LHFPL5: variants seen among roughly 807,000 people sequenced by gnomAD.
The protein encoded by LHFPL5 is LHFPL tetraspan subfamily member 5 protein.
A neutral mutation model predicts 18.7 loss-of-function variants in LHFPL5; 12 were observed. The ratio of observed to expected loss-of-function variants is 0.64; its 90% confidence interval spans 0.41 to 1.04. The LOEUF (loss-of-function observed/expected upper bound fraction) is 1.04. Ranked by LOEUF, LHFPL5 falls within the 50% of genes least tolerant of loss-of-function variation. The pLI is 0.00. For synonymous variants in LHFPL5, 111 were observed against 120.2 expected, an observed-to-expected ratio of 0.92 and a Z score of 0.50; for missense variants, 259 against 292.1, an observed-to-expected ratio of 0.89 and a Z score of 0.83.
chr6:35,810,654 A>G (rs1242217070), intron 1 of LHFPL5, among the ~76,000 whole-genome samples: 2 of 152,006 alleles, frequency 1.3e-5, no homozygotes, highest in Non-Finnish European at 2.9e-5. Flanking sequence ...CCCAAAAAAT[A>G]CAAAAAAATA....
rs1554147837 is a variant in LHFPL5 at position 35,823,414 on chromosome 6, C to CACAT, written c.*452_*453insTACA. The CACAT allele has an allele frequency of 1.2e-3, 148 of 124,226 alleles. 1 individual carries two copies. The highest frequency in any genetic ancestry group is 4.7e-3 in the African/African-American group (146 of 31,184). 7.7% of individuals were successfully genotyped at this position (124,226 alleles called of 1,614,324 possible). On this transcript the variant is annotated 3_prime_UTR_variant, in exon 4 of 4. Transcript: ENST00000360215. ...ACACACACACACACACACACACACA[C>CACAT]ACACACACACATACATACACACACA...
At position 35,814,765 on chromosome 6, in the gene LHFPL5, A is replaced by G; in HGVS notation, c.632A>G (p.Tyr211Cys). 1 of 1,614,042 alleles carries G rather than the reference A, an allele frequency of 6.2e-7. No homozygotes were observed. The highest frequency in any genetic ancestry group is 8.5e-7 in the Non-Finnish European group (1 of 1,179,960). ...YRQDKLLPDD[Y>C]KADGTEEV ...CAGGACAAGCTCCTCCCTGACGACT[A>G]CAAGGCAGATGGAACCGGTAATCAC... is the stretch of plus-strand genomic sequence containing the variant. The change falls in exon 2 of 4, where the codon TAC (tyrosine) becomes TGC (cysteine). Residue 211 changes from tyrosine (Y) to cysteine (C), a missense_variant. Tyr to Cys is a radical substitution (Grantham distance 194). Coordinates refer to ENST00000360215, the MANE Select transcript of LHFPL5 (RefSeq NM_182548.4). The surrounding 1 kb of genome is among the most constrained non-coding windows in gnomAD (Gnocchi z 4.2).
At chr6:35,817,714 T>C (rs1768789510) in intron 2 of LHFPL5, among the ~76,000 whole-genome samples, 1 of 152,172 alleles carries the variant, frequency 6.6e-6, no homozygotes, top group Non-Finnish European at 1.5e-5. Context: ...ATAACAAGTG[T>C]TGGTGAGCAA....
intron 1 of LHFPL5, among the ~76,000 whole-genome samples, chr6:35,813,495 G>C (rs149760182): frequency 6.6e-6 from 1 of 151,936 alleles, no homozygotes; most frequent in Admixed American, 6.6e-5. Context: ...CGTCCACCTC[G>C]ACCTCCCAAA....
At position 35,816,366 on chromosome 6, in the gene LHFPL5, A is replaced by G. The variant is rs531613466; in HGVS notation, c.649+1584A>G. Among the ~76,000 whole-genome samples the G allele has an allele frequency of 1.1e-4, 17 of 151,586 alleles. No individual in the cohort carries two copies. In the East Asian group the frequency reaches 3.3e-3, roughly 30 times the overall value. On this transcript the variant is annotated intron_variant, in intron 2 of 3. Transcript: ENST00000360215. ...GTCTCAAAAAAAAAAAAAAAAGAAA[A>G]AAAAAGAAAAAGAAAACAAATTACT...
rs1362086064 is a variant in LHFPL5 at position 35,814,581 on chromosome 6, G to A, written c.448G>A (p.Asp150Asn). ...GLMIGCLVYP[D>N]GWDSSEVRRM... ...AATGATTGGCTGCCTGGTCTACCCT[G>A]ATGGTTGGGACTCAAGTGAGGTGCG... Residue 150 changes from aspartate (D) to asparagine (N), a missense_variant, in exon 2 of 4, where the codon GAT becomes AAT. Coordinates refer to ENST00000360215, the MANE Select transcript of LHFPL5 (RefSeq NM_182548.4). This position sits in a 1 kb window ranked among gnomAD's most constrained non-coding sequence, Gnocchi z 4.2. 6.2e-7 allele frequency: 1 copy of A among 1,614,202 alleles called. No individual in the cohort carries two copies. Among genetic ancestry groups the A allele is most frequent in the Non-Finnish European group, 8.5e-7 (1 of 1,180,032 alleles).
At chr6:35,818,019 A>T (rs1355345472) in intron 2 of LHFPL5, among the ~76,000 whole-genome samples, 1 of 152,256 alleles carries the variant, frequency 6.6e-6, no homozygotes, top group East Asian at 1.9e-4. Context: ...ATGAAATATT[A>T]TCCAGCCATA....
chr6:35,806,232 A>G, intron 1 of LHFPL5, 150 bp downstream of exon 1: 2 of 850,090 alleles, frequency 2.4e-6, no homozygotes, highest in Non-Finnish European at 3.6e-6. Flanking sequence ...GAAGATTCTG[A>G]GGAGTTGAGA....
intron 2 of LHFPL5, among the ~76,000 whole-genome samples, 193 bp from the exon 3 acceptor site, chr6:35,819,244 T>G (rs1188799387): frequency 1.3e-5 from 2 of 152,178 alleles, no homozygotes; most frequent in Admixed American, 6.5e-5. Flanking sequence ...AAATCTAAGT[T>G]GGAGCTTATG....
Position 35,814,509 on chromosome 6 carries a change from C to T in LHFPL5, c.413-37C>T, listed in dbSNP as rs781531174. The T allele has an allele frequency of 7.8e-5, 118 of 1,504,746 alleles. 2 individuals are homozygous for T. In the South Asian group the frequency reaches 1.0e-3, roughly 13 times the overall value. The allele number at this position is 1,504,746 out of a possible 1,614,324, so 93.2% of individuals were successfully genotyped here. On this transcript the variant is annotated intron_variant, in intron 1 of 3. Coordinates refer to ENST00000360215, the MANE Select transcript of LHFPL5 (RefSeq NM_182548.4). This position sits in a 1 kb window ranked among gnomAD's most constrained non-coding sequence, Gnocchi z 4.2. The stretch of plus-strand genomic sequence containing the variant: ...TGGGAGGTAGCGGGCTAGGCACACT[C>T]GGCCTGATGCCATGTGCACCCCTCC...
At chr6:35,812,935 A>G (rs1768691378) in intron 1 of LHFPL5, among the ~76,000 whole-genome samples, 1 of 152,080 alleles carries the variant, frequency 6.6e-6, no homozygotes, top group Non-Finnish European at 1.5e-5. Context: ...CATGCCTGTA[A>G]TCCCAGCTAC....
chr6:35,820,948 G>A (rs188799525), intron 3 of LHFPL5, among the ~76,000 whole-genome samples: 1 of 152,178 alleles, frequency 6.6e-6, no homozygotes, highest in East Asian at 1.9e-4. Flanking sequence ...TCCACCTCCT[G>A]CACTTATTAG....
chr6:35,806,895 C>T (rs1768578432), intron 1 of LHFPL5, among the ~76,000 whole-genome samples: 1 of 152,156 alleles, frequency 6.6e-6, no homozygotes. Context: ...ATGATCTCAG[C>T]TGACTGCAGC....
chr6:35,811,899 C>G (rs1768670967), intron 1 of LHFPL5, among the ~76,000 whole-genome samples: 1 of 152,200 alleles, frequency 6.6e-6, no homozygotes, highest in Admixed American at 6.5e-5. Context: ...TAATTACATT[C>G]AGCCCCTGGG....
At position 35,810,826 on chromosome 6, in the gene LHFPL5, C is replaced by CA. The variant is rs11339201; in HGVS notation, c.413-3702dup. ...TGGGCGACAGAGTGAGACTCCGTCT[C>CA]AAAAAAAAAAAAAAAAAAGAAAGAA... is the stretch of plus-strand genomic sequence containing the variant. On this transcript the variant is annotated intron_variant, in intron 1 of 3. Coordinates refer to ENST00000360215, the MANE Select transcript of LHFPL5 (RefSeq NM_182548.4). Among the ~76,000 whole-genome samples, 411 of 87,392 alleles carry CA rather than the reference C, an allele frequency of 4.7e-3. 3 individuals are homozygous for CA. Among genetic ancestry groups the CA allele is most frequent in the South Asian group, 6.2e-3 (17 of 2,730 alleles). The allele number at this position is 87,392 out of a possible 152,430, so 57.3% of individuals were successfully genotyped here. A position where few individuals can be genotyped will look rare whatever the true frequency, so the allele number is the denominator to read the frequency against.
Position 35,819,418 on chromosome 6 carries a change from G to A in LHFPL5, c.650-19G>A, listed in dbSNP as rs762692515. On this transcript the variant is annotated intron_variant, in intron 2 of 3. Coordinates refer to ENST00000360215, the MANE Select transcript of LHFPL5 (RefSeq NM_182548.4). The stretch of plus-strand genomic sequence containing the variant: ...ACGAGACTTGGTAGTAACGTATACT[G>A]TTCTCTCCTTCATTACAGAGGAGGT... 6.2e-7 allele frequency: 1 copy of A among 1,613,618 alleles called. No homozygotes were observed. The highest frequency in any genetic ancestry group is 8.5e-7 in the Non-Finnish European group (1 of 1,179,566).
chr6:35,815,094 G>A (rs1768735451), intron 2 of LHFPL5, among the ~76,000 whole-genome samples: 1 of 152,110 alleles, frequency 6.6e-6, no homozygotes, highest in Admixed American at 6.5e-5. Context: ...GCACTGAGGC[G>A]GGGTCTCGAA....
Position 35,823,477 on chromosome 6 carries a change from A to ACACACACACACTCT in LHFPL5, c.*513_*514insACACACACACTCTC. 2.8e-5 allele frequency: 4 copies of ACACACACACACTCT among 140,842 alleles called. No homozygotes were observed. Among genetic ancestry groups the ACACACACACACTCT allele is most frequent in the African/African-American group, 1.1e-4 (4 of 36,588 alleles). 8.7% of individuals were successfully genotyped at this position (140,842 alleles called of 1,614,324 possible). A position where few individuals can be genotyped will look rare whatever the true frequency, so the allele number is the denominator to read the frequency against. On this transcript the variant is annotated 3_prime_UTR_variant, in exon 4 of 4. Transcript: ENST00000360215. ...CACACACACACACACACACACACAC[A>ACACACACACACTCT]CTCTCTCTCTCTCTCAAACACACAC...
At chr6:35,809,870 C>T (rs144366067) in intron 1 of LHFPL5, among the ~76,000 whole-genome samples, 60 of 152,332 alleles carry the variant, frequency 3.9e-4, no homozygotes, top group African/African-American at 1.3e-3. Context: ...TATTTCGATA[C>T]ATGTATACAA....
Sources: allele counts gnomAD v4.1 joint callset (sites outside exome capture counted in the v4.1 genomes callset), GRCh38; gene constraint gnomAD v4.1.1; non-coding constraint Gnocchi (gnomAD v3.1); transcripts MANE v1.5; gene names NCBI Gene and HGNC (gene_info 2026-07-23, HGNC 2026-07-21).